The following AP1S3 variants were observed in gnomAD, a reference collection of about 807,000 sequenced individuals.
AP1S3 encodes the protein AP-1 complex subunit sigma-3.
Under a neutral mutation model 20.9 loss-of-function variants are expected in AP1S3, and 10 were observed. That is an observed-to-expected ratio of 0.48 (90% CI 0.29 to 0.81). The LOEUF (loss-of-function observed/expected upper bound fraction) is 0.81, where lower values mean the gene tolerates loss of function less well. AP1S3 is among the 30% of genes least tolerant of loss of function. AP1S3 has a pLI of 0.08. For missense variants in AP1S3, 154 were observed against 183.8 expected, an observed-to-expected ratio of 0.84 and a Z score of 0.94; for synonymous variants, 41 against 61.5, an observed-to-expected ratio of 0.67 and a Z score of 1.56.
At chr2:223,793,162 C>T (rs1049738253) in intron 1 of AP1S3, among the ~76,000 whole-genome samples, 2 of 152,086 alleles carry the variant, frequency 1.3e-5, no homozygotes, top group African/African-American at 2.4e-5. Flanking sequence ...AAGACAGTGT[C>T]GCAATCCCTC....
intron 1 of AP1S3, among the ~76,000 whole-genome samples, chr2:223,830,583 G>A (rs915572069): frequency 2.6e-5 from 4 of 152,000 alleles, no homozygotes; most frequent in African/African-American, 9.7e-5. Context: ...CAGAAGGTAT[G>A]GGCACCCCAG....
intron 1 of AP1S3, among the ~76,000 whole-genome samples, chr2:223,810,386 C>G (rs959978293): frequency 6.6e-6 from 1 of 152,268 alleles, no homozygotes. Flanking sequence ...AATCACCACT[C>G]ACTATAGCCT....
chr2:223,789,822 T>A (rs537629287), intron 1 of AP1S3, among the ~76,000 whole-genome samples: 1,291 of 123,056 alleles, frequency 0.01, 27 homozygotes, highest in African/African-American at 0.04. Context: ...TCGGTGATAG[T>A]ACAAGACTCT....
intron 1 of AP1S3, among the ~76,000 whole-genome samples, chr2:223,817,976 T>C (rs958543471): frequency 5.3e-5 from 8 of 152,088 alleles, no homozygotes; most frequent in Non-Finnish European, 7.3e-5. Context: ...TTTATATACA[T>C]TATATTGTTT....
chr2:223,828,700 C>T (rs1692190273), intron 1 of AP1S3, among the ~76,000 whole-genome samples: 5 of 151,768 alleles, frequency 3.3e-5, no homozygotes, highest in African/African-American at 1.2e-4. Context: ...CTCTGAGGCC[C>T]AGACCCATGG....
intron 4 of AP1S3, among the ~76,000 whole-genome samples, chr2:223,761,616 G>C (rs959814610): frequency 2.6e-5 from 4 of 152,146 alleles, no homozygotes; most frequent in Non-Finnish European, 4.4e-5. Flanking sequence ...GTAGAGACAA[G>C]GTTCTCACTA....
chr2:223,829,854 A>AC lies in AP1S3; in HGVS notation c.3+7593_3+7594insG, dbSNP rs571121903. The stretch of plus-strand genomic sequence containing the variant: ...TCCATCTCAAAAAAAAACAAAAAAA[A>AC]AACAAAAAAACACAGCTCCATCCAT... On this transcript the variant is annotated intron_variant, in intron 1 of 4. Transcript: ENST00000396654. 1.7e-3 allele frequency among the ~76,000 whole-genome samples: 226 copies of AC among 135,378 alleles called. 1 individual carries two copies. The highest frequency in any genetic ancestry group is 5.7e-3 in the African/African-American group (216 of 37,970). 88.8% of individuals were successfully genotyped at this position (135,378 alleles called of 152,430 possible). A position where few individuals can be genotyped will look rare whatever the true frequency, so the allele number is the denominator to read the frequency against.
At chr2:223,808,108 G>A (rs1242645731) in intron 1 of AP1S3, among the ~76,000 whole-genome samples, 2 of 151,704 alleles carry the variant, frequency 1.3e-5, no homozygotes, top group Admixed American at 1.3e-4. Flanking sequence ...CAGGCTGTCA[G>A]GTATTTCTTT....
At chr2:223,799,523 C>T (rs1432245275) in intron 1 of AP1S3, among the ~76,000 whole-genome samples, 1 of 152,140 alleles carries the variant, frequency 6.6e-6, no homozygotes, top group Non-Finnish European at 1.5e-5. Context: ...AATTTTATGC[C>T]TTTTATTTTT....
Position 223,756,338 on chromosome 2 carries a change from G to C in AP1S3, c.*2377C>G, listed in dbSNP as rs1326986114. On this transcript the variant is annotated 3_prime_UTR_variant, in exon 5 of 5. Coordinates refer to ENST00000396654, the MANE Select transcript of AP1S3 (RefSeq NM_001039569.2). ...GGTGACAAGAAGCGAGGAAAGAAAA[G>C]AAAGAAAAGAAAAGAAAAGAGAAAA... 1 of 261,470 alleles carries C rather than the reference G, an allele frequency of 3.8e-6. No individual in the cohort carries two copies. Among genetic ancestry groups the C allele is most frequent in the Non-Finnish European group, 5.6e-6 (1 of 177,508 alleles). 16.2% of individuals were successfully genotyped at this position (261,470 alleles called of 1,614,324 possible).
At chr2:223,828,245 G>T (rs556611229) in intron 1 of AP1S3, among the ~76,000 whole-genome samples, 1 of 150,464 alleles carries the variant, frequency 6.6e-6, no homozygotes, top group Non-Finnish European at 1.5e-5. Flanking sequence ...AGATCAAAGC[G>T]CTCACACAGG....
intron 1 of AP1S3, among the ~76,000 whole-genome samples, chr2:223,814,441 G>A (rs1005011270): frequency 6.6e-6 from 1 of 152,170 alleles, no homozygotes; most frequent in Non-Finnish European, 1.5e-5. Context: ...AATGACAAGG[G>A]GTTGGCCTTT....
intron 1 of AP1S3, among the ~76,000 whole-genome samples, chr2:223,781,926 T>C (rs1006725736): frequency 1.3e-5 from 2 of 152,186 alleles, no homozygotes; most frequent in Admixed American, 6.5e-5. Flanking sequence ...TCCCTGATTT[T>C]ATCCATAGAT....
chr2:223,789,787 G>A (rs1039618049), intron 1 of AP1S3, among the ~76,000 whole-genome samples: 6 of 146,740 alleles, frequency 4.1e-5, no homozygotes, highest in African/African-American at 7.7e-5. Flanking sequence ...GCCGTGAGCC[G>A]AGATCATGCC....
At chr2:223,836,274 A>G (rs1468620445) in intron 1 of AP1S3, among the ~76,000 whole-genome samples, 1 of 152,174 alleles carries the variant, frequency 6.6e-6, no homozygotes, top group Non-Finnish European at 1.5e-5. Context: ...CCACACTCTT[A>G]AAAGGCTGCC....
At chr2:223,769,736 A>AT (rs61207667) in intron 3 of AP1S3, among the ~76,000 whole-genome samples, 30,755 of 80,260 alleles carry the variant, frequency 0.38, 9,694 homozygotes, top group South Asian at 0.5. Context: ...ATGCAATCCC[A>AT]TTTTTTTTTT....
chr2:223,794,636 A>G (rs1691292951), intron 1 of AP1S3, among the ~76,000 whole-genome samples: 1 of 152,124 alleles, frequency 6.6e-6, no homozygotes, highest in Non-Finnish European at 1.5e-5. Flanking sequence ...TGCTAGATCA[A>G]TTATAAAAAT....
Position 223,837,492 on chromosome 2 carries a change from C to T in AP1S3, c.-42G>A. 7.9e-7 allele frequency: 1 copy of T among 1,272,520 alleles called. No homozygotes were observed. The allele number at this position is 1,272,520 out of a possible 1,614,324, so 78.8% of individuals were successfully genotyped here. A position where few individuals can be genotyped will look rare whatever the true frequency, so the allele number is the denominator to read the frequency against. ...CCTCCCCCGCCTTGCGAGCAAGGAG[C>T]GCTGGAGAAGCGAGGGCGAGAGGCG... is the stretch of plus-strand genomic sequence containing the variant. On this transcript the variant is annotated 5_prime_UTR_variant, in exon 1 of 5. Transcript: ENST00000396654.
chr2:223,809,442 C>T (rs1447239921), intron 1 of AP1S3, among the ~76,000 whole-genome samples: 9 of 151,932 alleles, frequency 5.9e-5, no homozygotes, highest in African/African-American at 1.4e-4. Flanking sequence ...GTCAGGAGTT[C>T]GCGACCAGCC....
Sources: allele counts gnomAD v4.1 joint callset (sites outside exome capture counted in the v4.1 genomes callset), GRCh38; gene constraint gnomAD v4.1.1; transcripts MANE v1.5; gene names NCBI Gene and HGNC (gene_info 2026-07-23, HGNC 2026-07-21).